The following PTPRT variants were observed in gnomAD, a reference collection of about 807,000 sequenced individuals.
PTPRT encodes the protein protein tyrosine phosphatase receptor type T.
PTPRT carries 56 observed loss-of-function variants against 176.8 expected under a neutral mutation model. The observed-to-expected ratio is 0.32, with a 90% CI of 0.26 to 0.40. The LOEUF is 0.40. Among genes scored for constraint, PTPRT ranks in the 10% least tolerant of loss-of-function variants. PTPRT has a pLI of 1.00. For missense variants in PTPRT, 1,540 were observed against 1,908.2 expected (o/e 0.81, Z 3.60); for synonymous variants, 783 against 739.0 (o/e 1.06, Z -0.96).
chr20:42,150,177 A>G (rs1401806447), intron 17 of PTPRT, among the ~76,000 whole-genome samples: 3 of 152,188 alleles, frequency 2.0e-5, no homozygotes, highest in Non-Finnish European at 2.9e-5. Flanking sequence ...TTATGCCTAA[A>G]ATAGTAAGAT....
At chr20:43,130,311 A>G (rs1320422081) in intron 1 of PTPRT, among the ~76,000 whole-genome samples, 1 of 152,212 alleles carries the variant, frequency 6.6e-6, no homozygotes, top group Non-Finnish European at 1.5e-5. Flanking sequence ...ACACTGGAAC[A>G]TATTGTCTTT....
At chr20:42,755,323 C>T (rs1005426492) in intron 6 of PTPRT, among the ~76,000 whole-genome samples, 1 of 152,112 alleles carries the variant, frequency 6.6e-6, no homozygotes, top group East Asian at 1.9e-4. Context: ...AGTTTCCACA[C>T]CCACCCATAC....
At chr20:42,685,416 G>A (rs977506538) in intron 6 of PTPRT, 1 of 152,198 alleles carries the variant, frequency 6.6e-6, no homozygotes, top group Non-Finnish European at 1.5e-5. Flanking sequence ...TCTCAGATGT[G>A]AGTCTAGAAG....
At chr20:42,233,192 T>C (rs2056171457) in intron 15 of PTPRT, among the ~76,000 whole-genome samples, 1 of 152,144 alleles carries the variant, frequency 6.6e-6, no homozygotes, top group Non-Finnish European at 1.5e-5. Flanking sequence ...CTGCAACCTC[T>C]CAGAGGAAGG....
At chr20:42,040,902 G>T in the PTPRT span, among the ~76,000 whole-genome samples, 1 of 152,166 alleles carries the variant, frequency 6.6e-6, no homozygotes, top group Admixed American at 6.5e-5. Context: ...TTTGGGCCTG[G>T]AGTCACCTGG....
chr20:42,401,138 A>C lies in PTPRT; in HGVS notation c.1560+47082T>G, dbSNP rs532673976. ...ACTAAAAAATGTCAAAACAGTAATA[A>C]ATAAATAAATAAATAAATAAATAAA... On this transcript the variant is annotated intron_variant, in intron 9 of 30. Coordinates refer to ENST00000373187, the MANE Select transcript of PTPRT (RefSeq NM_007050.6). Among the ~76,000 whole-genome samples the C allele has an allele frequency of 1.9e-3, 136 of 72,710 alleles. No homozygotes were observed. In the East Asian group the frequency reaches 0.036, roughly 19 times the overall value. 47.7% of individuals were successfully genotyped at this position (72,710 alleles called of 152,430 possible). A position where few individuals can be genotyped will look rare whatever the true frequency, so the allele number is the denominator to read the frequency against.
intron 19 of PTPRT, among the ~76,000 whole-genome samples, chr20:42,125,756 T>C (rs1190814564): frequency 6.6e-6 from 1 of 152,226 alleles, no homozygotes; most frequent in Non-Finnish European, 1.5e-5. Flanking sequence ...AAAGTGTATC[T>C]TGGCCCTGAC....
intron 13 of PTPRT, among the ~76,000 whole-genome samples, chr20:42,277,805 T>C (rs2057066935): frequency 6.6e-6 from 1 of 151,668 alleles, no homozygotes; most frequent in African/African-American, 2.4e-5. Context: ...TCCTACCATT[T>C]AAGAGAACAA....
intron 9 of PTPRT, among the ~76,000 whole-genome samples, chr20:42,385,079 T>C (rs766054448): frequency 4.6e-5 from 7 of 152,186 alleles, no homozygotes; most frequent in Non-Finnish European, 1.0e-4. Context: ...TGCAAAACCT[T>C]GTAGTTTGAT....
chr20:42,969,794 T>G (rs1387158522), intron 1 of PTPRT: 6 of 152,204 alleles, frequency 3.9e-5, no homozygotes, highest in Non-Finnish European at 8.8e-5. Context: ...CATGCTTGAT[T>G]TAAGGGTGCT....
intron 1 of PTPRT, among the ~76,000 whole-genome samples, chr20:43,134,266 G>A (rs2013749698): frequency 6.6e-6 from 1 of 152,152 alleles, no homozygotes; most frequent in Non-Finnish European, 1.5e-5. Context: ...TTCTTTGCTT[G>A]GCCAAACTTT....
intron 17 of PTPRT, among the ~76,000 whole-genome samples, chr20:42,157,623 T>C (rs1159269665): frequency 6.6e-6 from 1 of 150,476 alleles, no homozygotes; most frequent in African/African-American, 2.4e-5. Flanking sequence ...TGGGATTTTC[T>C]TCCCCCCCCA....
chr20:42,058,983 A>T, the PTPRT span, among the ~76,000 whole-genome samples: 3 of 152,120 alleles, frequency 2.0e-5, no homozygotes, highest in Non-Finnish European at 4.4e-5. Flanking sequence ...TCACCTGGGG[A>T]GGGGTTAAAA....
intron 7 of PTPRT, among the ~76,000 whole-genome samples, chr20:42,506,147 T>C (rs2071840279): frequency 6.6e-6 from 1 of 152,144 alleles, no homozygotes; most frequent in Admixed American, 6.5e-5. Flanking sequence ...TCTTTTTTGG[T>C]GTATGTTTTA....
intron 7 of PTPRT, among the ~76,000 whole-genome samples, chr20:42,646,956 G>C (rs560185470): frequency 7.2e-6 from 1 of 139,126 alleles, no homozygotes; most frequent in African/African-American, 2.8e-5. Flanking sequence ...GTGCAGTGGC[G>C]TGAACGTGGT....
intron 2 of PTPRT, among the ~76,000 whole-genome samples, chr20:42,876,712 T>C (rs1204033471): frequency 6.6e-6 from 1 of 152,178 alleles, no homozygotes. Flanking sequence ...CCAACACGAA[T>C]AACTTTAACA....
chr20:42,453,063 C>G (rs1000905075), intron 8 of PTPRT, among the ~76,000 whole-genome samples: 1 of 152,156 alleles, frequency 6.6e-6, no homozygotes. Flanking sequence ...GACAGTATTT[C>G]TCTATCGCAT....
At chr20:43,034,652 A>G (rs1474551788) in intron 1 of PTPRT, among the ~76,000 whole-genome samples, 1 of 151,670 alleles carries the variant, frequency 6.6e-6, no homozygotes, top group Non-Finnish European at 1.5e-5. Flanking sequence ...TGCCATAAAA[A>G]CAGCAAAAAC....
At chr20:42,878,500 G>C (rs564513626) in intron 2 of PTPRT, among the ~76,000 whole-genome samples, 10 of 152,286 alleles carry the variant, frequency 6.6e-5, no homozygotes, top group African/African-American at 2.2e-4. Flanking sequence ...ACAGTACCAT[G>C]TCTGCAATAT....
Sources: gnomAD v4.1 joint callset for allele counts (sites outside exome capture counted in the v4.1 genomes callset) on GRCh38, gnomAD v4.1.1 for gene constraint, MANE v1.5 for transcripts, NCBI Gene and HGNC (gene_info 2026-07-23, HGNC 2026-07-21) for gene names.